The following DGKZ variants were observed in gnomAD, a reference collection of about 807,000 sequenced individuals.
DGKZ encodes the protein diacylglycerol kinase zeta.
DGKZ carries 45 observed loss-of-function variants against 142.5 expected under a neutral mutation model. The observed-to-expected ratio is 0.32, with a 90% confidence interval of 0.25 to 0.40. The LOEUF is 0.40. Ranked by LOEUF, DGKZ falls within the 10% of genes least tolerant of loss-of-function variation. The pLI is 1.00. For synonymous variants in DGKZ, 442 were observed against 527.0 expected, an observed-to-expected ratio of 0.84 and a Z score of 2.21; for missense variants, 755 against 1,306.5, an observed-to-expected ratio of 0.58 and a Z score of 6.51.
rs752993449 is a variant in DGKZ, at chr11:46,367,895, C to G, written c.367-107C>G. 1.3e-6 allele frequency: 2 copies of G among 1,522,708 alleles called. No homozygotes were observed. The highest frequency in any genetic ancestry group is 1.4e-5 in the African/African-American group (1 of 73,192). The allele number at this position is 1,522,708 out of a possible 1,614,324, so 94.3% of individuals were successfully genotyped here. On this transcript the variant is annotated intron_variant, in intron 3 of 30. Coordinates refer to ENST00000527911, the Ensembl canonical transcript of DGKZ. This position sits in a 1 kb window ranked among gnomAD's most constrained non-coding sequence, Gnocchi z 4.1. Reference sequence around the variant, plus strand: ...GGGTGCAGGGGCTTTGTCCGGATGCCAGGACTGGGGCTTCCCAGTGCACAC... The same window carrying G: ...GGGTGCAGGGGCTTTGTCCGGATGCGAGGACTGGGGCTTCCCAGTGCACAC...
At chr11:46,375,785 C>G in intron 20 of DGKZ, 66 bp from the exon 21 acceptor site, 1 of 1,532,540 alleles carries the variant, frequency 6.5e-7, no homozygotes, top group Admixed American at 2.0e-5. Flanking sequence ...TGGTTTGGTG[C>G]CAGGCCGAGG....
intron 1 of DGKZ, among the ~76,000 whole-genome samples, chr11:46,353,812 C>A (rs781779435): frequency 2.6e-5 from 4 of 152,218 alleles, no homozygotes; most frequent in Non-Finnish European, 5.9e-5. Flanking sequence ...AGAGCTCCCA[C>A]GTAGAGGCCT....
upstream of DGKZ, among the ~76,000 whole-genome samples, chr11:46,343,015 T>C (rs1357652020): frequency 6.6e-6 from 1 of 151,964 alleles, no homozygotes; most frequent in African/African-American, 2.4e-5. Context: ...TCCAAGCTAC[T>C]CTGGGGGTTG....
At position 46,340,428 on chromosome 11, in the gene DGKZ, C is replaced by T. The variant is rs12273290; in HGVS notation, c.212+6941C>T. Among the ~76,000 whole-genome samples the T allele has an allele frequency of 5.6e-3, 857 of 152,118 alleles. 10 individuals carry two copies. The highest frequency in any genetic ancestry group is 0.02 in the African/African-American group (812 of 41,520). Reference sequence around the variant, plus strand: ...TTTGAGCAGATGCAGCTGACCCAGACTAAGGGGAGAGCTGTGCAGGCTCCT... The same window carrying T: ...TTTGAGCAGATGCAGCTGACCCAGATTAAGGGGAGAGCTGTGCAGGCTCCT... On this transcript the variant is annotated intron_variant, in intron 1 of 30. Transcript: ENST00000343674.
chr11:46,351,415 T>C (rs1941364106), intron 1 of DGKZ, among the ~76,000 whole-genome samples: 1 of 152,098 alleles, frequency 6.6e-6, no homozygotes, highest in Non-Finnish European at 1.5e-5. Flanking sequence ...ATGGGTCCCA[T>C]TTAGAGGCAC....
exon 20 of DGKZ, chr11:46,375,613 C>T: frequency 6.3e-7 from 1 of 1,575,554 alleles, no homozygotes; most frequent in African/African-American, 1.3e-5. Flanking sequence ...CGGCGGAGCG[C>T]CGCCCCCCTG....
intron 1 of DGKZ, among the ~76,000 whole-genome samples, chr11:46,356,726 A>G (rs1165907507): frequency 6.6e-6 from 1 of 152,154 alleles, no homozygotes; most frequent in Non-Finnish European, 1.5e-5. Flanking sequence ...ACTGAGTTCA[A>G]ACCCCAGCAC....
rs1944452701 is a variant in DGKZ, at chr11:46,375,725, C to T, written c.1910+94C>T. The stretch of plus-strand genomic sequence containing the variant: ...CCCATCTGTAAAAGGGGCTGACTGT[C>T]CCTCTGCCCCAGGGGTGTTGGGAGT... On this transcript the variant is annotated intron_variant, in intron 20 of 30. Coordinates refer to ENST00000527911, the Ensembl canonical transcript of DGKZ. 8 of 1,503,936 alleles carry T rather than the reference C, an allele frequency of 5.3e-6. No individual in the cohort carries two copies. In the Admixed American group the frequency reaches 6.0e-5, roughly 11 times the overall value. The allele number at this position is 1,503,936 out of a possible 1,614,324, so 93.2% of individuals were successfully genotyped here. A position where few individuals can be genotyped will look rare whatever the true frequency, so the allele number is the denominator to read the frequency against.
At chr11:46,377,823 CT>C in intron 25 of DGKZ, 2 of 319,182 alleles carry the variant, frequency 6.3e-6, no homozygotes, top group South Asian at 6.3e-5. Flanking sequence ...CTTCCCCCAT[CT>C]TTCCGGAGCT....
At chr11:46,378,382 A>AT (rs1473520483) in intron 26 of DGKZ, 75 bp from the exon 27 acceptor site, 1 of 1,552,492 alleles carries the variant, frequency 6.4e-7, no homozygotes, top group East Asian at 2.3e-5. Flanking sequence ...CCTGGCCGGC[A>AT]CAGTCCTGTC....
At chr11:46,377,588 C>T (rs929051035) in intron 25 of DGKZ, 11 of 280,200 alleles carry the variant, frequency 3.9e-5, no homozygotes, top group South Asian at 2.0e-4. Context: ...CTCCATACCA[C>T]GGTCAACTAA....
intron 1 of DGKZ, among the ~76,000 whole-genome samples, chr11:46,349,407 G>A (rs1267938850): frequency 2.0e-5 from 3 of 152,160 alleles, no homozygotes; most frequent in African/African-American, 7.2e-5. Context: ...GGGTTCTTCT[G>A]ACCTGTGGCT....
Position 46,367,039 on chromosome 11 carries a change from C to T in DGKZ, c.162-252C>T, listed in dbSNP as rs1943390680. On this transcript the variant is annotated intron_variant, in intron 1 of 30. Transcript: ENST00000527911. The surrounding 1 kb of genome is among the most constrained non-coding windows in gnomAD (Gnocchi z 4.1). ...TGGTGTGACCTCCTGTGGGTCTGGC[C>T]TGGGCATGGGCCTTGAAGCTCTGCC... 3 of 1,473,928 alleles carry T rather than the reference C, an allele frequency of 2.0e-6. No homozygotes were observed. The highest frequency in any genetic ancestry group is 2.3e-5 in the Admixed American group (1 of 42,884). The allele number at this position is 1,473,928 out of a possible 1,614,324, so 91.3% of individuals were successfully genotyped here.
rs11038876 is a variant in DGKZ at position 46,367,898 on chromosome 11, G to C, written c.367-104G>C. 10,381 of 1,517,468 alleles carry C rather than the reference G, an allele frequency of 6.8e-3. 608 individuals are homozygous for C. The African/African-American group carries it at 0.12, about 18-fold the overall frequency. The allele number at this position is 1,517,468 out of a possible 1,614,324, so 94.0% of individuals were successfully genotyped here. A position where few individuals can be genotyped will look rare whatever the true frequency, so the allele number is the denominator to read the frequency against. ...TGCAGGGGCTTTGTCCGGATGCCAG[G>C]ACTGGGGCTTCCCAGTGCACACAAA... On this transcript the variant is annotated intron_variant, in intron 3 of 30. Coordinates refer to ENST00000527911, the Ensembl canonical transcript of DGKZ. The surrounding 1 kb of genome is among the most constrained non-coding windows in gnomAD (Gnocchi z 4.1).
upstream of DGKZ, among the ~76,000 whole-genome samples, chr11:46,345,763 G>A (rs139299639): frequency 5.3e-4 from 81 of 152,298 alleles, 1 homozygote; most frequent in Middle Eastern, 0.024. The surrounding 1 kb of genome is among the most constrained non-coding windows in gnomAD (Gnocchi z 4.1). Flanking sequence ...TGTTTGGACT[G>A]TGTGGAGGAA....
At chr11:46,375,628 G>A (rs1229693814) in exon 20 of DGKZ, 1 of 1,562,338 alleles carries the variant, frequency 6.4e-7, no homozygotes, top group African/African-American at 1.3e-5. Context: ...CCCCTGCACA[G>A]CGAGTACGTC....
chr11:46,373,115 G>C lies in DGKZ; in HGVS notation c.1326+14G>C, dbSNP rs1050006210. The C allele has an allele frequency of 4.6e-6, 7 of 1,538,370 alleles. No individual in the cohort carries two copies. In the African/African-American group the frequency reaches 6.9e-5, roughly 15 times the overall value. ...GCCACCGACCGGGTAAGTTGGCCAG[G>C]GTTGGTGGGGGGCAGGGCAGGTGAC... On this transcript the variant is annotated intron_variant, in intron 14 of 30. Transcript: ENST00000527911.
rs548977561 is a variant in DGKZ, at chr11:46,364,381, C to T, written c.162-2910C>T. On this transcript the variant is annotated intron_variant, in intron 1 of 30. Coordinates refer to ENST00000527911, the Ensembl canonical transcript of DGKZ. Reference sequence around the variant, plus strand: ...TGACACATAGGGGCTCAGTAAATGTCAGCCGTGACACTGGTGATTTTGGGG... The same window carrying T: ...TGACACATAGGGGCTCAGTAAATGTTAGCCGTGACACTGGTGATTTTGGGG... The T allele has an allele frequency of 6.3e-5, 81 of 1,289,018 alleles. 1 individual carries two copies. The highest frequency in any genetic ancestry group is 5.7e-4 in the Admixed American group (25 of 43,534). The allele number at this position is 1,289,018 out of a possible 1,614,324, so 79.8% of individuals were successfully genotyped here.
chr11:46,369,860 GTGTTGA>G, intron 5 of DGKZ, 75 bp from the exon 6 acceptor site: 1 of 1,471,286 alleles, frequency 6.8e-7, no homozygotes. Flanking sequence ...GCAGCCCCGT[GTGTTGA>G]GCCGTGTGGG....
Sources: gnomAD v4.1 joint callset for allele counts (sites outside exome capture counted in the v4.1 genomes callset) on GRCh38, gnomAD v4.1.1 for gene constraint, Gnocchi (gnomAD v3.1) non-coding constraint, MANE v1.5 for transcripts, NCBI Gene and HGNC (gene_info 2026-07-23, HGNC 2026-07-21) for gene names.